Variants in ROR2 observed in about 807,000 individuals in gnomAD.
ROR2 encodes tyrosine-protein kinase transmembrane receptor ROR2.
ROR2 carries 33 observed loss-of-function variants against 74.9 expected under a neutral mutation model. The ratio of observed to expected loss-of-function variants is 0.44; its 90% CI spans 0.33 to 0.59. The LOEUF (loss-of-function observed/expected upper bound fraction) is 0.59. Ranked by LOEUF, ROR2 falls within the 20% of genes least tolerant of loss-of-function variation. The pLI is 0.02. For synonymous variants in ROR2, 586 were observed against 558.7 expected (o/e 1.05, Z -0.69); for missense variants, 1,216 against 1,313.8 (o/e 0.93, Z 1.15).
At chr9:91,885,317 G>C (rs184146758) in intron 1 of ROR2, among the ~76,000 whole-genome samples, 42 of 152,070 alleles carry the variant, frequency 2.8e-4, no homozygotes, top group South Asian at 8.3e-4. Context: ...GGGTTGGGGG[G>C]CGGTAGGGCA....
intron 1 of ROR2, among the ~76,000 whole-genome samples, chr9:91,823,061 G>A (rs2119154005): frequency 6.6e-6 from 1 of 152,214 alleles, no homozygotes; most frequent in East Asian, 1.9e-4. Context: ...AAAAAGGAAG[G>A]GCTATTTTAG....
chr9:91,753,949 T>A (rs77958412), intron 4 of ROR2, among the ~76,000 whole-genome samples: 5,535 of 152,240 alleles, frequency 0.036, 298 homozygotes, highest in East Asian at 0.2. Flanking sequence ...ACTGAGTAAT[T>A]TATGTGCTTT....
chr9:91,861,633 A>G (rs1436046312), intron 1 of ROR2, among the ~76,000 whole-genome samples: 1 of 152,230 alleles, frequency 6.6e-6, no homozygotes, highest in South Asian at 2.1e-4. Context: ...CCATGTAAGC[A>G]CTAAAACTAT....
At chr9:91,808,765 T>C (rs192311798) in intron 1 of ROR2, among the ~76,000 whole-genome samples, 1 of 152,224 alleles carries the variant, frequency 6.6e-6, no homozygotes, top group Admixed American at 6.5e-5. Flanking sequence ...GAGACCATCC[T>C]GGCTAACACG....
chr9:91,729,747 C>T (rs1038361306), intron 7 of ROR2, among the ~76,000 whole-genome samples: 9 of 152,134 alleles, frequency 5.9e-5, no homozygotes, highest in Non-Finnish European at 1.5e-5. Context: ...TGAGAACTGT[C>T]GAAGCTGTCA....
At chr9:91,885,289 C>A (rs919856322) in intron 1 of ROR2, among the ~76,000 whole-genome samples, 1 of 151,972 alleles carries the variant, frequency 6.6e-6, no homozygotes, top group Non-Finnish European at 1.5e-5. Context: ...TAAAAAGGAG[C>A]CTTTGTTGAA....
chr9:91,725,244 C>T (rs979418236), intron 8 of ROR2, 137 bp from the exon 9 acceptor site: 136 of 1,492,722 alleles, frequency 9.1e-5, no homozygotes, highest in Admixed American at 1.7e-5. Flanking sequence ...TGGTTTTGCC[C>T]ACCCAGCCTT....
At chr9:91,757,184 T>C in intron 3 of ROR2, 88 bp downstream of exon 3, 1 of 1,544,076 alleles carries the variant, frequency 6.5e-7, no homozygotes, top group Non-Finnish European at 8.9e-7. Flanking sequence ...CTGGTGTGTG[T>C]TCAGTTTCAA....
intron 1 of ROR2, among the ~76,000 whole-genome samples, chr9:91,852,778 C>A (rs1829147754): frequency 6.6e-6 from 1 of 152,154 alleles, no homozygotes; most frequent in Non-Finnish European, 1.5e-5. Context: ...GACAAGGATG[C>A]CTATAGGAAA....
chr9:91,903,104 A>G (rs1451052883), intron 1 of ROR2, among the ~76,000 whole-genome samples: 2 of 152,192 alleles, frequency 1.3e-5, no homozygotes, highest in Non-Finnish European at 2.9e-5. Flanking sequence ...CATGATATGC[A>G]TATTTTACTA....
At chr9:91,833,800 C>T (rs1828538925) in intron 1 of ROR2, among the ~76,000 whole-genome samples, 1 of 152,124 alleles carries the variant, frequency 6.6e-6, no homozygotes, top group Admixed American at 6.5e-5. Flanking sequence ...AAGAGCAGAC[C>T]CGAGTCCTGC....
rs10677451 is a variant in ROR2, at chr9:91,832,367, C to CAAAAAA, written c.98-56555_98-56550dup. Among the ~76,000 whole-genome samples the CAAAAAA allele has an allele frequency of 5.5e-3, 209 of 38,326 alleles. 13 individuals carry two copies. The highest frequency in any genetic ancestry group is 0.011 in the East Asian group (9 of 808). The allele number at this position is 38,326 out of a possible 152,430, so 25.1% of individuals were successfully genotyped here. ...TTGTCAACTTCTGGGGTCACAATGGCAAAAAAAAAAAAAAAAAAAAAAAAA... is the reference window on the plus strand; with the variant it reads ...TTGTCAACTTCTGGGGTCACAATGGCAAAAAAAAAAAAAAAAAAAAAAAAAAAAAAA... On this transcript the variant is annotated intron_variant, in intron 1 of 8. Coordinates refer to ENST00000375708, the MANE Select transcript of ROR2 (RefSeq NM_004560.4).
intron 2 of ROR2, among the ~76,000 whole-genome samples, chr9:91,770,520 C>A (rs949669609): frequency 6.6e-6 from 1 of 152,224 alleles, no homozygotes; most frequent in Non-Finnish European, 1.5e-5. Flanking sequence ...AACGTTATTG[C>A]CTCCTGGAAC....
chr9:91,895,696 A>C (rs2119411801), intron 1 of ROR2, among the ~76,000 whole-genome samples: 1 of 152,326 alleles, frequency 6.6e-6, no homozygotes, highest in East Asian at 1.9e-4. Context: ...TACAAAATTT[A>C]GGCGGGCATG....
chr9:91,933,448 T>C (rs1312641990), intron 1 of ROR2, among the ~76,000 whole-genome samples: 1 of 152,130 alleles, frequency 6.6e-6, no homozygotes, highest in Admixed American at 6.5e-5. Flanking sequence ...ATCAGAAGTA[T>C]ACATCCACAG....
Position 91,757,574 on chromosome 9 carries a change from G to A in ROR2, c.176-15C>T, listed in dbSNP as rs373482705. Reference sequence around the variant, plus strand: ...CAGAAAGTAACCTGCCAAGGAGAGCGGTCACAAAAGAGCAAGCGTCAGTGA... The same window carrying A: ...CAGAAAGTAACCTGCCAAGGAGAGCAGTCACAAAAGAGCAAGCGTCAGTGA... On this transcript the variant is annotated splice_polypyrimidine_tract_variant and intron_variant, in intron 2 of 8. Transcript: ENST00000375708. 38 of 1,611,442 alleles carry A rather than the reference G, an allele frequency of 2.4e-5. No individual in the cohort carries two copies. Among genetic ancestry groups the A allele is most frequent in the African/African-American group, 6.7e-5 (5 of 74,716 alleles).
intron 1 of ROR2, among the ~76,000 whole-genome samples, chr9:91,864,842 T>C (rs1829581407): frequency 6.6e-6 from 1 of 152,130 alleles, no homozygotes; most frequent in Non-Finnish European, 1.5e-5. Flanking sequence ...AACTGTAGCA[T>C]ATGTTTTATT....
intron 1 of ROR2, chr9:91,883,514 C>A (rs1346359382): frequency 6.6e-6 from 1 of 152,192 alleles, no homozygotes; most frequent in Non-Finnish European, 1.5e-5. Context: ...GTAGTAAGAT[C>A]AGAAATGCAG....
At chr9:91,824,171 G>A (rs1178809125) in intron 1 of ROR2, among the ~76,000 whole-genome samples, 2 of 152,228 alleles carry the variant, frequency 1.3e-5, no homozygotes, top group Non-Finnish European at 1.5e-5. Context: ...TTCCCAGAGA[G>A]ACACCATTAC....
Sources: allele counts gnomAD v4.1 joint callset (sites outside exome capture counted in the v4.1 genomes callset), GRCh38; gene constraint gnomAD v4.1.1; transcripts MANE v1.5; gene names NCBI Gene and HGNC (gene_info 2026-07-23, HGNC 2026-07-21).